The following SMAP2 variants were observed in gnomAD, a reference collection of about 807,000 sequenced individuals.
SMAP2 encodes stromal membrane-associated protein 2.
Under a neutral mutation model 56.4 loss-of-function variants are expected in SMAP2, and 25 were observed. The ratio of observed to expected loss-of-function variants is 0.44; its 90% CI spans 0.32 to 0.62. SMAP2 has a LOEUF of 0.62. SMAP2 is among the 20% of genes least tolerant of loss of function. SMAP2 has a pLI of 0.04. For missense variants in SMAP2, 388 were observed against 545.6 expected (o/e 0.71, Z 2.88); for synonymous variants, 157 against 181.7 (o/e 0.86, Z 1.09).
intron 9 of SMAP2, among the ~76,000 whole-genome samples, chr1:40,419,026 C>T (rs548940782): frequency 2.6e-5 from 4 of 152,096 alleles, no homozygotes; most frequent in East Asian, 3.9e-4. Context: ...TGGTGACAAG[C>T]GTTGCAGAAT....
chr1:40,415,353 C>T lies in SMAP2; in HGVS notation c.653C>T (p.Pro218Leu). 2 of 1,613,512 alleles carry T rather than the reference C, an allele frequency of 1.2e-6. No homozygotes were observed. The highest frequency in any genetic ancestry group is 1.7e-6 in the Non-Finnish European group (2 of 1,179,452). ...GATTTAGATCTGTTGGCCTCTGTTCCATCCCCTTCTTCTTCCGGTTCCAGA... is the reference window on the plus strand; with the variant it reads ...GATTTAGATCTGTTGGCCTCTGTTCTATCCCCTTCTTCTTCCGGTTCCAGA... ...EKDLDLLASVPSPSSSGSRKV... is the reference protein window; with the variant it reads ...EKDLDLLASVLSPSSSGSRKV... The change falls in exon 7 of 10, where the codon CCA becomes CTA. Residue 218 changes from proline to leucine, a missense_variant. Coordinates refer to ENST00000372718, the MANE Select transcript of SMAP2 (RefSeq NM_022733.3).
At chr1:40,397,976 A>C (rs1644788626) in intron 1 of SMAP2, among the ~76,000 whole-genome samples, 1 of 152,190 alleles carries the variant, frequency 6.6e-6, no homozygotes, top group Admixed American at 6.5e-5. Flanking sequence ...GGCTCTCAAC[A>C]GACTTTATAT....
At chr1:40,375,538 G>T (rs1352469912) in intron 1 of SMAP2, among the ~76,000 whole-genome samples, 1 of 152,186 alleles carries the variant, frequency 6.6e-6, no homozygotes, top group Non-Finnish European at 1.5e-5. Flanking sequence ...AATGGAATGT[G>T]CCATTAGGAA....
intron 1 of SMAP2, among the ~76,000 whole-genome samples, chr1:40,346,808 T>G (rs1303171882): frequency 1.3e-5 from 2 of 152,188 alleles, no homozygotes; most frequent in Non-Finnish European, 2.9e-5. Context: ...GGTATTATAA[T>G]TAAACTTCTT....
rs1211141348 is a variant in SMAP2 at position 40,374,898 on chromosome 1, T to C, written c.103+675T>C. The C allele has an allele frequency of 1.0e-6, 1 of 985,246 alleles. No individual in the cohort carries two copies. The highest frequency in any genetic ancestry group is 1.2e-6 in the Non-Finnish European group (1 of 829,922). 61.0% of individuals were successfully genotyped at this position (985,246 alleles called of 1,614,324 possible). A position where few individuals can be genotyped will look rare whatever the true frequency, so the allele number is the denominator to read the frequency against. On this transcript the variant is annotated intron_variant, in intron 1 of 9. Transcript: ENST00000372718. The surrounding 1 kb of genome is among the most constrained non-coding windows in gnomAD (Gnocchi z 5.9). The stretch of plus-strand genomic sequence containing the variant: ...GCTTGTAGAGTGCGTTGGAGGCCTA[T>C]GTATGAGTGGTGGCAGAAACTAGCC...
chr1:40,359,351 C>T (rs1170905768), intron 1 of SMAP2, among the ~76,000 whole-genome samples: 2 of 152,114 alleles, frequency 1.3e-5, no homozygotes, highest in African/African-American at 4.8e-5. Flanking sequence ...GACCCACCCA[C>T]CTTGGCCTCC....
chr1:40,421,669 T>C (rs1645043972), intron 9 of SMAP2, among the ~76,000 whole-genome samples: 1 of 152,100 alleles, frequency 6.6e-6, no homozygotes, highest in East Asian at 1.9e-4. Context: ...CTATTTAGGA[T>C]GAGGGACTGG....
intron 9 of SMAP2, among the ~76,000 whole-genome samples, chr1:40,418,153 C>A (rs745333321): frequency 1.3e-5 from 2 of 151,970 alleles, no homozygotes; most frequent in Non-Finnish European, 1.5e-5. Context: ...ATCAGAAATT[C>A]AAAAACTTAA....
intron 9 of SMAP2, among the ~76,000 whole-genome samples, chr1:40,419,821 G>C (rs1312143961): frequency 6.6e-6 from 1 of 152,154 alleles, no homozygotes; most frequent in African/African-American, 2.4e-5. Context: ...CAGAGAGGTG[G>C]TATGGTGCAT....
At chr1:40,384,484 T>C (rs564941885) in intron 1 of SMAP2, among the ~76,000 whole-genome samples, 6 of 152,342 alleles carry the variant, frequency 3.9e-5, no homozygotes, top group African/African-American at 1.4e-4. Flanking sequence ...AAGTGTCTAA[T>C]GAGTTATATG....
chr1:40,397,261 C>G (rs1298956113), intron 1 of SMAP2, among the ~76,000 whole-genome samples: 1 of 152,190 alleles, frequency 6.6e-6, no homozygotes, highest in Non-Finnish European at 1.5e-5. Context: ...CTGTAGGGCT[C>G]ATTGTTCACC....
chr1:40,378,037 T>A (rs988443101), intron 1 of SMAP2, among the ~76,000 whole-genome samples: 18 of 152,374 alleles, frequency 1.2e-4, no homozygotes, highest in Middle Eastern at 3.4e-3. Context: ...GTTGTTACTC[T>A]GTATAATTTA....
intron 1 of SMAP2, among the ~76,000 whole-genome samples, chr1:40,405,428 G>A (rs1644876314): frequency 6.6e-6 from 1 of 152,212 alleles, no homozygotes; most frequent in African/African-American, 2.4e-5. Context: ...AGACGAGGCT[G>A]CAGTGAGCTA....
chr1:40,345,347 C>G (rs759230164), intron 1 of SMAP2, among the ~76,000 whole-genome samples: 1 of 151,696 alleles, frequency 6.6e-6, no homozygotes, highest in Non-Finnish European at 1.5e-5. Flanking sequence ...GAGCCATGAT[C>G]GTGCCACTGC....
rs35398664 is a variant in SMAP2 at position 40,379,555 on chromosome 1, CTTTTTTTTT to C, written c.103+5348_103+5356del. Among the ~76,000 whole-genome samples the C allele has an allele frequency of 1.9e-4, 15 of 78,112 alleles. 1 individual carries two copies. In the Admixed American group the frequency reaches 2.1e-3, roughly 11 times the overall value. 51.2% of individuals were successfully genotyped at this position (78,112 alleles called of 152,430 possible). ...TGATTTGGAAGACACTGTTGTCTCT[CTTTTTTTTT>C]TTTTTTTTTTTTTTTGAGGCGGAGT... On this transcript the variant is annotated intron_variant, in intron 1 of 9. Transcript: ENST00000372718.
chr1:40,381,527 G>A (rs1644598300), intron 1 of SMAP2, among the ~76,000 whole-genome samples: 1 of 152,094 alleles, frequency 6.6e-6, no homozygotes, highest in Non-Finnish European at 1.5e-5. Flanking sequence ...GCAAAGCCTC[G>A]AAGGTGCACT....
intron 1 of SMAP2, among the ~76,000 whole-genome samples, chr1:40,381,643 G>A (rs1644600162): frequency 6.6e-6 from 1 of 152,122 alleles, no homozygotes; most frequent in Non-Finnish European, 1.5e-5. Context: ...ATACTGTAAG[G>A]TTAAAACCTG....
chr1:40,400,139 G>A (rs1644817820), intron 1 of SMAP2, among the ~76,000 whole-genome samples: 1 of 152,176 alleles, frequency 6.6e-6, no homozygotes, highest in Non-Finnish European at 1.5e-5. Context: ...GTTAGGGAAA[G>A]AGTTTTTTTA....
intron 1 of SMAP2, among the ~76,000 whole-genome samples, chr1:40,384,615 G>A (rs552161553): frequency 2.0e-4 from 30 of 152,302 alleles, no homozygotes; most frequent in African/African-American, 7.2e-4. Context: ...TGCAGTGTGA[G>A]TATGTTTGCT....
Sources: allele counts gnomAD v4.1 joint callset (sites outside exome capture counted in the v4.1 genomes callset), GRCh38; gene constraint gnomAD v4.1.1; non-coding constraint Gnocchi (gnomAD v3.1); transcripts MANE v1.5; gene names NCBI Gene and HGNC (gene_info 2026-07-23, HGNC 2026-07-21).